The following PCDHA13 variants were observed in gnomAD, a reference collection of about 807,000 sequenced individuals.
PCDHA13 encodes protocadherin alpha 13, also known as protocadherin alpha-13.
Under a neutral mutation model 64.8 loss-of-function variants are expected in PCDHA13, and 54 were observed. The observed-to-expected ratio is 0.83, with a 90% CI of 0.67 to 1.04. The LOEUF is 1.04. PCDHA13 is among the 50% of genes least tolerant of loss of function. The pLI is 0.00. For missense variants in PCDHA13, 1,248 were observed against 1,254.3 expected (o/e 0.99, Z 0.08); for synonymous variants, 587 against 564.4 (o/e 1.04, Z -0.57).
chr5:140,954,442 G>C (rs2095039188), intron 1 of PCDHA13, among the ~76,000 whole-genome samples: 1 of 151,940 alleles, frequency 6.6e-6, no homozygotes, highest in South Asian at 2.1e-4. Flanking sequence ...GTTGTTTCTG[G>C]ACTTGTTAAT....
intron 1 of PCDHA13, chr5:140,927,592 G>T: frequency 6.2e-7 from 1 of 1,614,170 alleles, no homozygotes; most frequent in Admixed American, 1.7e-5. Context: ...GCCTGTATTT[G>T]AGCGCTCCGT....
chr5:140,917,223 C>G (rs1351907671), intron 1 of PCDHA13, among the ~76,000 whole-genome samples: 3 of 150,934 alleles, frequency 2.0e-5, no homozygotes, highest in African/African-American at 7.3e-5. Context: ...TTTAGTGATA[C>G]GTTGTTAAAT....
At chr5:140,890,875 T>G (rs189226344) in intron 1 of PCDHA13, among the ~76,000 whole-genome samples, 106 of 152,318 alleles carry the variant, frequency 7.0e-4, no homozygotes, top group Non-Finnish European at 1.3e-3. Flanking sequence ...CCCTCTGACC[T>G]TTCATCAGGG....
At chr5:140,941,191 T>TCTTTC (rs1554213808) in intron 1 of PCDHA13, among the ~76,000 whole-genome samples, 2 of 93,206 alleles carry the variant, frequency 2.1e-5, no homozygotes, top group South Asian at 5.6e-4. Flanking sequence ...GCTTCTTTTT[T>TCTTTC]TTTCTTTCTT....
At chr5:140,968,152 C>A (rs782362724) in intron 1 of PCDHA13, 6 of 1,614,054 alleles carry the variant, frequency 3.7e-6, no homozygotes, top group Non-Finnish European at 1.7e-6. Flanking sequence ...TCTCTGACAT[C>A]AATGACAATC....
At chr5:140,933,401 C>T (rs1382982699) in intron 1 of PCDHA13, among the ~76,000 whole-genome samples, 1 of 151,928 alleles carries the variant, frequency 6.6e-6, no homozygotes, top group African/African-American at 2.4e-5. Flanking sequence ...ATCTGGTTAC[C>T]ATCTACAGAT....
intron 1 of PCDHA13, among the ~76,000 whole-genome samples, chr5:140,892,769 T>C (rs1182235195): frequency 6.6e-6 from 1 of 152,210 alleles, no homozygotes; most frequent in Non-Finnish European, 1.5e-5. Context: ...TCCACTCTTC[T>C]AGCTTCTTGA....
chr5:140,909,801 T>C (rs1462008196), intron 1 of PCDHA13, among the ~76,000 whole-genome samples: 1 of 152,134 alleles, frequency 6.6e-6, no homozygotes, highest in African/African-American at 2.4e-5. Context: ...AGACTTCAGC[T>C]AAAACTCCAT....
At chr5:140,888,443 A>C (rs1374471673) in intron 1 of PCDHA13, among the ~76,000 whole-genome samples, 2 of 152,172 alleles carry the variant, frequency 1.3e-5, no homozygotes, top group Non-Finnish European at 2.9e-5. Context: ...GCCGCCCAAC[A>C]ATAAAGAATT....
At chr5:140,940,390 T>C (rs2092601477) in intron 1 of PCDHA13, among the ~76,000 whole-genome samples, 1 of 152,194 alleles carries the variant, frequency 6.6e-6, no homozygotes. Flanking sequence ...ATTTTGGTTA[T>C]TGTGTTTTTC....
chr5:140,952,496 G>A (rs2094755026), intron 1 of PCDHA13, among the ~76,000 whole-genome samples: 1 of 152,112 alleles, frequency 6.6e-6, no homozygotes, highest in Non-Finnish European at 1.5e-5. Flanking sequence ...CCAGTCCTCA[G>A]TAAGTTCCTC....
chr5:141,010,226 C>T lies in PCDHA13; in HGVS notation c.*289C>T, dbSNP rs1386050566. ...CGCCGCAAAGGAGAGGCTTCCCAGC[C>T]CCGCCAGTGAGAGGTTGGACTCTCT... On this transcript the variant is annotated 3_prime_UTR_variant, in exon 4 of 4. Transcript: ENST00000289272. 6.4e-7 allele frequency: 1 copy of T among 1,551,824 alleles called. No homozygotes were observed. Among genetic ancestry groups the T allele is most frequent in the Admixed American group, 2.0e-5 (1 of 51,014 alleles).
chr5:141,000,765 G>T (rs1554257794), intron 3 of PCDHA13, among the ~76,000 whole-genome samples: 9 of 151,816 alleles, frequency 5.9e-5, no homozygotes, highest in Non-Finnish European at 2.9e-5. Context: ...ATCTTAGCCA[G>T]GCATAGTGGC....
intron 1 of PCDHA13, among the ~76,000 whole-genome samples, chr5:140,944,781 G>T (rs1404959208): frequency 6.6e-6 from 1 of 152,114 alleles, no homozygotes; most frequent in Non-Finnish European, 1.5e-5. Context: ...TCCTGTTATT[G>T]TATTTTACAA....
chr5:140,995,276 C>T (rs2097674050), intron 3 of PCDHA13, among the ~76,000 whole-genome samples: 4 of 152,030 alleles, frequency 2.6e-5, no homozygotes, highest in Non-Finnish European at 1.5e-5. Flanking sequence ...CCCTTTGATA[C>T]CAAAACAGCC....
rs550197512 is a variant in PCDHA13, at chr5:140,883,885, C to G, written c.1617C>G (p.Asp539Glu). The change falls in exon 1 of 4, where the codon GAC becomes GAG. Residue 539 changes from aspartate (D) to glutamate (E), a missense_variant. Coordinates refer to ENST00000289272, the MANE Select transcript of PCDHA13 (RefSeq NM_018904.3). ...TGCAGTTCCAGGTGAGCGCGCGCGA[C>G]TCTGGCGTGCCGCCTCTGGGCAGCA... ...ELLQFQVSAR[D>E]SGVPPLGSNV... The G allele has an allele frequency of 6.1e-5, 99 of 1,613,382 alleles. No homozygotes were observed. Among genetic ancestry groups the G allele is most frequent in the East Asian group, 1.6e-4 (7 of 44,866 alleles).
intron 1 of PCDHA13, among the ~76,000 whole-genome samples, chr5:140,893,391 G>A (rs1481818388): frequency 6.6e-6 from 1 of 152,158 alleles, no homozygotes; most frequent in Non-Finnish European, 1.5e-5. Context: ...AGTGGCTCAT[G>A]CCTGTAATCC....
intron 1 of PCDHA13, among the ~76,000 whole-genome samples, chr5:140,913,742 T>C (rs2153527691): frequency 6.6e-6 from 1 of 152,276 alleles, no homozygotes; most frequent in Non-Finnish European, 1.5e-5. Flanking sequence ...ATAGTACTCC[T>C]TTTGTTGTAT....
intron 1 of PCDHA13, among the ~76,000 whole-genome samples, chr5:140,900,826 A>G (rs1554189460): frequency 2.0e-5 from 3 of 152,224 alleles, no homozygotes. Flanking sequence ...CATTCCCACC[A>G]ACAATGTACA....
Sources: gnomAD v4.1 joint callset for allele counts (sites outside exome capture counted in the v4.1 genomes callset) on GRCh38, gnomAD v4.1.1 for gene constraint, MANE v1.5 for transcripts, NCBI Gene and HGNC (gene_info 2026-07-23, HGNC 2026-07-21) for gene names.